Variants in UTS2B observed in about 807,000 individuals in gnomAD.
UTS2B encodes urotensin-2B.
In UTS2B, 21 loss-of-function variants were observed where a neutral mutation model predicts 19.2. The ratio of observed to expected loss-of-function variants is 1.09; its 90% CI spans 0.78 to 1.58. The LOEUF is 1.58. Ranked by LOEUF, UTS2B falls within the 40% of genes most tolerant of loss-of-function variation. The probability of loss-of-function intolerance (pLI) is 0.00; values close to 1 mark genes in which losing one functional copy is unlikely to be tolerated. For synonymous variants in UTS2B, 57 were observed against 50.2 expected (o/e 1.14, Z -0.58); for missense variants, 138 against 130.3 (o/e 1.06, Z -0.29).
At chr3:191,338,626 T>C in the UTS2B span, among the ~76,000 whole-genome samples, 1 of 152,256 alleles carries the variant, frequency 6.6e-6, no homozygotes, top group African/African-American at 2.4e-5. Flanking sequence ...CAGACTTCAT[T>C]ATTTCAAATT....
At chr3:191,325,797 A>C (rs1717730953) in intron 2 of UTS2B, among the ~76,000 whole-genome samples, 1 of 152,222 alleles carries the variant, frequency 6.6e-6, no homozygotes, top group Non-Finnish European at 1.5e-5. Context: ...GCCCTAATCC[A>C]ATCTGCAAAC....
intron 8 of UTS2B, among the ~76,000 whole-genome samples, chr3:191,270,321 T>C (rs975377663): frequency 2.0e-5 from 3 of 152,098 alleles, no homozygotes; most frequent in African/African-American, 4.8e-5. Flanking sequence ...CTCAATCTCA[T>C]GAGTACTTGG....
At chr3:191,277,095 A>G (rs1387867727) in intron 6 of UTS2B, among the ~76,000 whole-genome samples, 1 of 152,186 alleles carries the variant, frequency 6.6e-6, no homozygotes, top group East Asian at 1.9e-4. Flanking sequence ...CGTAGACCAT[A>G]GTTCTAGCAT....
intron 8 of UTS2B, 44 bp downstream of exon 8, chr3:191,275,208 A>C: frequency 7.0e-7 from 1 of 1,436,944 alleles, no homozygotes; most frequent in African/African-American, 1.4e-5. Flanking sequence ...CTGCAAAAAT[A>C]ATCTTTTGGA....
chr3:191,277,765 A>G (rs1297602825), intron 6 of UTS2B: 1 of 170,144 alleles, frequency 5.9e-6, no homozygotes, highest in East Asian at 1.5e-4. Context: ...ATAAAATACT[A>G]GTGGTACTAG....
At chr3:191,291,074 T>C (rs1716700068) in intron 4 of UTS2B, among the ~76,000 whole-genome samples, 1 of 152,052 alleles carries the variant, frequency 6.6e-6, no homozygotes, top group Admixed American at 6.5e-5. Flanking sequence ...AGTTCTTTTT[T>C]TCATTTAAAA....
intron 4 of UTS2B, among the ~76,000 whole-genome samples, chr3:191,299,696 C>G (rs569262364): frequency 4.6e-5 from 7 of 152,344 alleles, no homozygotes; most frequent in Admixed American, 2.6e-4. Flanking sequence ...ACACAGAGTC[C>G]CCACTGGGGC....
At chr3:191,312,083 T>TGGA (rs1172429611) in intron 3 of UTS2B, among the ~76,000 whole-genome samples, 1 of 146,254 alleles carries the variant, frequency 6.8e-6, no homozygotes, top group African/African-American at 2.5e-5. Context: ...ACCTGAGAGG[T>TGGA]GGAGGTTGCA....
chr3:191,306,600 A>G (rs1480251353), intron 3 of UTS2B, among the ~76,000 whole-genome samples: 1 of 152,200 alleles, frequency 6.6e-6, no homozygotes, highest in Non-Finnish European at 1.5e-5. Context: ...GTAGTTTACT[A>G]TATTAAGGAG....
chr3:191,273,466 C>T (rs1191897210), intron 8 of UTS2B: 3 of 456,620 alleles, frequency 6.6e-6, no homozygotes, highest in Middle Eastern at 3.3e-4. Context: ...GTGTCCCTTC[C>T]GAACTGAGGC....
the UTS2B span, among the ~76,000 whole-genome samples, chr3:191,344,278 G>A: frequency 2.2e-4 from 34 of 152,264 alleles, no homozygotes; most frequent in African/African-American, 7.0e-4. Flanking sequence ...TGTGATTATC[G>A]TCTAGAGCAG....
intron 4 of UTS2B, among the ~76,000 whole-genome samples, chr3:191,303,446 C>T (rs927600800): frequency 1.3e-5 from 2 of 151,980 alleles, no homozygotes; most frequent in Non-Finnish European, 2.9e-5. Context: ...AGACATCCCA[C>T]ATGTCCTTTG....
chr3:191,282,129 T>C lies in UTS2B; in HGVS notation c.61A>G (p.Ser21Gly). 6.2e-7 allele frequency: 1 copy of C among 1,613,480 alleles called. No individual in the cohort carries two copies. Among genetic ancestry groups the C allele is most frequent in the Non-Finnish European group, 8.5e-7 (1 of 1,179,654 alleles). ...CGTCCATGCACAGATTGTAAAAAAC[T>C]CAACACGGATAACAAAGTTAGGAGT... ...FGLLTLLSVL[S>G]FLQSVHGRPY... is the part of the protein sequence containing the mutation. The change falls in exon 5 of 9, where the codon AGT (serine) becomes GGT (glycine). Residue 21 changes from serine (S) to glycine (G), a missense_variant. Transcript: ENST00000340524.
chr3:191,280,280 G>A (rs908447950), intron 5 of UTS2B, among the ~76,000 whole-genome samples: 2 of 152,048 alleles, frequency 1.3e-5, no homozygotes, highest in Admixed American at 6.5e-5. Flanking sequence ...CTTTGTGTTA[G>A]GCAGTTTGCC....
At position 191,293,822 on chromosome 3, in the gene UTS2B, G is replaced by A. The variant is rs979878363; in HGVS notation, c.-125+10670C>T. Among the ~76,000 whole-genome samples, 7 of 151,950 alleles carry A rather than the reference G, an allele frequency of 4.6e-5. 1 individual carries two copies. Among genetic ancestry groups the A allele is most frequent in the African/African-American group, 1.5e-4 (6 of 41,190 alleles). On this transcript the variant is annotated intron_variant, in intron 4 of 8. Transcript: ENST00000340524. Reference sequence around the variant, plus strand: ...ATGCCTAAGTAGAAGTGAGGGCCTGGTGCAGTGGCTCACGCCTGTAATCCC... The same window carrying A: ...ATGCCTAAGTAGAAGTGAGGGCCTGATGCAGTGGCTCACGCCTGTAATCCC...
upstream of UTS2B, among the ~76,000 whole-genome samples, chr3:191,333,987 C>T (rs1718065874): frequency 6.6e-6 from 1 of 151,970 alleles, no homozygotes; most frequent in Admixed American, 6.6e-5. Context: ...TGGAGATAAT[C>T]ATTAAGAATA....
intron 4 of UTS2B, among the ~76,000 whole-genome samples, chr3:191,301,052 TTTC>T (rs1716985491): frequency 6.6e-6 from 1 of 152,228 alleles, no homozygotes; most frequent in African/African-American, 2.4e-5. Flanking sequence ...TTTATCACTT[TTTC>T]TTCTTTATTT....
the UTS2B span, among the ~76,000 whole-genome samples, chr3:191,338,123 G>C: frequency 2.0e-5 from 3 of 152,084 alleles, no homozygotes; most frequent in African/African-American, 7.2e-5. Flanking sequence ...GTAAAACTAT[G>C]AATGACTTAT....
chr3:191,281,279 T>C (rs1716378146), intron 5 of UTS2B, among the ~76,000 whole-genome samples: 1 of 152,092 alleles, frequency 6.6e-6, no homozygotes, highest in South Asian at 2.1e-4. Context: ...CTGGAAAAGG[T>C]ATTAGAGAAC....
Sources: gnomAD v4.1 joint callset for allele counts (sites outside exome capture counted in the v4.1 genomes callset) on GRCh38, gnomAD v4.1.1 for gene constraint, MANE v1.5 for transcripts, NCBI Gene and HGNC (gene_info 2026-07-23, HGNC 2026-07-21) for gene names.